The following NOL4L variants were observed in gnomAD, a reference collection of about 807,000 sequenced individuals.
NOL4L encodes the protein nucleolar protein 4 like, also known as nucleolar protein 4-like.
A neutral mutation model predicts 64.5 loss-of-function variants in NOL4L; 7 were observed. That is an observed-to-expected ratio of 0.11 (90% confidence interval 0.06 to 0.20). The LOEUF is 0.20. Ranked by LOEUF, NOL4L falls within the 10% of genes least tolerant of loss-of-function variation. NOL4L has a pLI of 1.00. For missense variants in NOL4L, 680 were observed against 967.1 expected (o/e 0.70, Z 3.94); for synonymous variants, 413 against 401.0 (o/e 1.03, Z -0.36).
intron 5 of NOL4L, among the ~76,000 whole-genome samples, chr20:32,469,767 C>T (rs2014864807): frequency 6.6e-6 from 1 of 152,374 alleles, no homozygotes; most frequent in East Asian, 1.9e-4. Context: ...CCTCAGCAAG[C>T]TGACAGCCTG....
intron 4 of NOL4L, among the ~76,000 whole-genome samples, chr20:32,481,975 G>T (rs986520071): frequency 8.6e-5 from 12 of 138,990 alleles, no homozygotes; most frequent in African/African-American, 3.1e-4. Context: ...GGGGGGGGGG[G>T]AGCAGGCTGG....
intron 2 of NOL4L, among the ~76,000 whole-genome samples, chr20:32,525,856 C>T (rs1021628190): frequency 1.3e-5 from 2 of 152,222 alleles, no homozygotes; most frequent in Non-Finnish European, 2.9e-5. Flanking sequence ...TTCCTGGGCT[C>T]AAGTGATTCT....
Position 32,511,443 on chromosome 20 carries a change from T to C in NOL4L, c.603A>G (p.Pro201=), listed in dbSNP as rs968578265. The change falls in exon 4 of 11, where the codon CCA becomes CCG. Residue 201 remains proline (P), a synonymous_variant. Transcript: ENST00000621426. ...CAATAATCCCAGAGACCAGTGGAGA[T>C]GGAGGCTCGTTTTCTGGCAGAAAGA... ...NGLEPKENEP[P]SPLVSGIIDY... 6.5e-7 allele frequency: 1 copy of C among 1,549,842 alleles called. No individual in the cohort carries two copies. The highest frequency in any genetic ancestry group is 8.7e-7 in the Non-Finnish European group (1 of 1,146,364).
chr20:32,556,213 A>G (rs1978644379), intron 1 of NOL4L, among the ~76,000 whole-genome samples: 2 of 147,958 alleles, frequency 1.4e-5, no homozygotes, highest in South Asian at 4.6e-4. Context: ...CCAAAACAGC[A>G]CCACCAAGGC....
rs1046424665 is a variant in NOL4L, at chr20:32,463,290, A to G, written c.842-6895T>C. On this transcript the variant is annotated intron_variant, in intron 5 of 10. Coordinates refer to ENST00000621426, the MANE Select transcript of NOL4L (RefSeq NM_001256798.2). The surrounding 1 kb of genome is among the most constrained non-coding windows in gnomAD (Gnocchi z 5.8). ...GGTGCCCAGGTGACCTCTTGTCCCC[A>G]CCTGGTCCCCATCTTGCTGCTTCCA... is the stretch of plus-strand genomic sequence containing the variant. Among the ~76,000 whole-genome samples the G allele has an allele frequency of 1.3e-5, 2 of 152,110 alleles. No homozygotes were observed. The highest frequency in any genetic ancestry group is 4.8e-5 in the African/African-American group (2 of 41,428).
intron 1 of NOL4L, among the ~76,000 whole-genome samples, chr20:32,583,337 G>A (rs1025724265): frequency 1.3e-5 from 2 of 150,710 alleles, no homozygotes; most frequent in Non-Finnish European, 3.0e-5. Flanking sequence ...CGGAGGGGGA[G>A]GGGGAGGGGA....
intron 1 of NOL4L, among the ~76,000 whole-genome samples, chr20:32,553,488 C>G (rs1978439551): frequency 6.6e-6 from 1 of 152,214 alleles, no homozygotes; most frequent in East Asian, 1.9e-4. Context: ...GTCTCTGCTC[C>G]CATGTCTCCT....
rs2015283016 is a variant in NOL4L, at chr20:32,474,882, G to A, written c.700-140C>T. 4 of 1,426,384 alleles carry A rather than the reference G, an allele frequency of 2.8e-6. No homozygotes were observed. In the South Asian group the frequency reaches 4.5e-5, roughly 16 times the overall value. The allele number at this position is 1,426,384 out of a possible 1,614,324, so 88.4% of individuals were successfully genotyped here. On this transcript the variant is annotated intron_variant, in intron 4 of 10. Transcript: ENST00000621426. Reference sequence around the variant, plus strand: ...CAGGAGCCCTCAAACCTTGAAGTGAGGGCTGGGTGGTGCTCCCCCTTGCCC... The same window carrying A: ...CAGGAGCCCTCAAACCTTGAAGTGAAGGCTGGGTGGTGCTCCCCCTTGCCC...
intron 4 of NOL4L, chr20:32,486,911 A>C (rs2016111874): frequency 2.5e-6 from 1 of 403,286 alleles, no homozygotes; most frequent in Admixed American, 3.3e-5. Flanking sequence ...ACTCCACAAC[A>C]CAACAGTCTT....
intron 1 of NOL4L, among the ~76,000 whole-genome samples, chr20:32,528,448 G>T (rs981705006): frequency 6.6e-6 from 1 of 152,234 alleles, no homozygotes; most frequent in African/African-American, 2.4e-5. Flanking sequence ...GCAGCTGAGC[G>T]CCAGCAACGG....
intron 1 of NOL4L, among the ~76,000 whole-genome samples, chr20:32,542,376 CAG>C (rs2018670210): frequency 6.6e-6 from 1 of 152,146 alleles, no homozygotes; most frequent in Admixed American, 6.5e-5. Context: ...TTTTTTGAGA[CAG>C]GGTCTCGCTG....
At chr20:32,494,381 G>T (rs1454699790) in intron 4 of NOL4L, among the ~76,000 whole-genome samples, 1 of 151,456 alleles carries the variant, frequency 6.6e-6, no homozygotes, top group Non-Finnish European at 1.5e-5. Context: ...GTGTCTGGGG[G>T]TACCCAGCAC....
chr20:32,553,657 G>A (rs1978452908), intron 1 of NOL4L, among the ~76,000 whole-genome samples: 1 of 152,208 alleles, frequency 6.6e-6, no homozygotes, highest in Non-Finnish European at 1.5e-5. Flanking sequence ...ATGGGATTCT[G>A]TTTCTTTCTC....
chr20:32,469,636 G>T (rs535132812), intron 5 of NOL4L, among the ~76,000 whole-genome samples: 3 of 152,340 alleles, frequency 2.0e-5, no homozygotes, highest in Non-Finnish European at 4.4e-5. Flanking sequence ...CTCCCAAAAT[G>T]CTGGGCTTAC....
At chr20:32,457,320 T>C (rs1310742112) in intron 5 of NOL4L, among the ~76,000 whole-genome samples, 2 of 152,094 alleles carry the variant, frequency 1.3e-5, no homozygotes, top group Non-Finnish European at 2.9e-5. Context: ...CCGGGGTCAC[T>C]GTCAGGTGAG....
In NOL4L at chr20:32,474,682, C is replaced by T. The variant is rs952732731; in HGVS notation, c.760G>A (p.Asp254Asn). The change falls in exon 5 of 11, where the codon GAC becomes AAC. Residue 254 changes from aspartate (D) to asparagine (N), a missense_variant. Asp to Asn is a conservative substitution (Grantham distance 23, BLOSUM62 1). Around this residue, in one of 4 missense-constraint regions of NOL4L, gnomAD observed 254 missense variants for 238.7 expected, o/e 1.06. Coordinates refer to ENST00000621426, the MANE Select transcript of NOL4L (RefSeq NM_001256798.2). The part of the protein sequence containing the change: ...DMSDSTWMSA[D>N]PHLASSLSPS... ...CTCAGGCTGGAGGCCAGGTGCGGGTCAGCTGACATCCATGTGGAGTCGCTC... is the reference window on the plus strand; with the variant it reads ...CTCAGGCTGGAGGCCAGGTGCGGGTTAGCTGACATCCATGTGGAGTCGCTC... 1 of 1,613,840 alleles carries T rather than the reference C, an allele frequency of 6.2e-7. No homozygotes were observed. Among genetic ancestry groups the T allele is most frequent in the Non-Finnish European group, 8.5e-7 (1 of 1,179,984 alleles).
At chr20:32,509,630 G>T in intron 4 of NOL4L, 2 of 402,398 alleles carry the variant, frequency 5.0e-6, no homozygotes, top group African/African-American at 2.2e-5. Flanking sequence ...TTTGTGGAAT[G>T]ACTGAATCCT....
intron 1 of NOL4L, among the ~76,000 whole-genome samples, chr20:32,542,423 G>A (rs1023590976): frequency 1.4e-4 from 21 of 152,082 alleles, no homozygotes; most frequent in Admixed American, 3.9e-4. Context: ...GCAGGATCAC[G>A]GCTCACTGCA....
chr20:32,533,951 T>G (rs1019207281), intron 1 of NOL4L, among the ~76,000 whole-genome samples: 1 of 152,240 alleles, frequency 6.6e-6, no homozygotes, highest in Non-Finnish European at 1.5e-5. Flanking sequence ...GCCAATTAAA[T>G]GGACCCCTGC....
Sources: gnomAD v4.1 joint callset for allele counts (sites outside exome capture counted in the v4.1 genomes callset) on GRCh38, gnomAD v4.1.1 for gene constraint, gnomAD v4.1.1 regional missense constraint, Gnocchi (gnomAD v3.1) non-coding constraint, MANE v1.5 for transcripts, NCBI Gene and HGNC (gene_info 2026-07-23, HGNC 2026-07-21) for gene names.